The following NXPH1 variants were observed in gnomAD, a reference collection of about 807,000 sequenced individuals.
NXPH1 encodes neurexophilin-1.
NXPH1 carries 5 observed loss-of-function variants against 23.7 expected under a neutral mutation model. That is an observed-to-expected ratio of 0.21 (90% CI 0.11 to 0.44). NXPH1 has a LOEUF of 0.44. Ranked by LOEUF, NXPH1 falls within the 20% of genes least tolerant of loss-of-function variation. The pLI, the probability that NXPH1 is intolerant of heterozygous loss-of-function variation, is 0.99. For missense variants in NXPH1, 324 were observed against 321.6 expected, an observed-to-expected ratio of 1.01 and a Z score of -0.06; for synonymous variants, 144 against 122.2, an observed-to-expected ratio of 1.18 and a Z score of -1.18.
intron 2 of NXPH1, among the ~76,000 whole-genome samples, chr7:8,509,372 G>C (rs1005977670): frequency 6.6e-6 from 1 of 152,084 alleles, no homozygotes; most frequent in Non-Finnish European, 1.5e-5. Flanking sequence ...TGCTTTGGAA[G>C]AGCACGTTTA....
chr7:8,591,872 T>G (rs1473433299), intron 2 of NXPH1, among the ~76,000 whole-genome samples: 1 of 151,396 alleles, frequency 6.6e-6, no homozygotes, highest in Non-Finnish European at 1.5e-5. Context: ...GATAGTCTCT[T>G]TAGTTGCACT....
chr7:8,690,540 GA>G (rs796967364), intron 2 of NXPH1, among the ~76,000 whole-genome samples: 8 of 152,188 alleles, frequency 5.3e-5, no homozygotes, highest in African/African-American at 1.9e-4. Flanking sequence ...TGAATACAGG[GA>G]ATTAATGATA....
At chr7:8,465,100 G>C (rs1027059181) in intron 2 of NXPH1, among the ~76,000 whole-genome samples, 1 of 152,088 alleles carries the variant, frequency 6.6e-6, no homozygotes, top group African/African-American at 2.4e-5. Flanking sequence ...AGAAACAGTG[G>C]GACTTAGAAA....
chr7:8,640,588 C>T (rs984968258), intron 2 of NXPH1, among the ~76,000 whole-genome samples: 1 of 151,982 alleles, frequency 6.6e-6, no homozygotes, highest in Non-Finnish European at 1.5e-5. Context: ...AAAGTGCTCA[C>T]TCATTATTTT....
intron 2 of NXPH1, among the ~76,000 whole-genome samples, chr7:8,461,909 C>G (rs1816703649): frequency 6.6e-6 from 1 of 151,176 alleles, no homozygotes; most frequent in African/African-American, 2.4e-5. Flanking sequence ...CCATTTAACA[C>G]AAATGGAGTC....
intron 2 of NXPH1, among the ~76,000 whole-genome samples, chr7:8,513,797 C>T (rs1817647839): frequency 6.6e-6 from 1 of 152,074 alleles, no homozygotes; most frequent in Non-Finnish European, 1.5e-5. Flanking sequence ...GCGTCTTGCT[C>T]CATGTATTCG....
chr7:8,521,936 G>A (rs1817778785), intron 2 of NXPH1, among the ~76,000 whole-genome samples: 1 of 152,160 alleles, frequency 6.6e-6, no homozygotes. Flanking sequence ...AGAAGACAAT[G>A]AGATGATGTT....
chr7:8,671,176 C>T (rs551276693), intron 2 of NXPH1, among the ~76,000 whole-genome samples: 1 of 151,980 alleles, frequency 6.6e-6, no homozygotes, highest in Non-Finnish European at 1.5e-5. Flanking sequence ...TTTGTGTGTT[C>T]GTGGTGCTTA....
rs185884994 is a variant in NXPH1, at chr7:8,556,124, A to G, written c.54+120357A>G. 5.5e-3 allele frequency among the ~76,000 whole-genome samples: 831 copies of G among 151,802 alleles called. 4 individuals carry two copies. The highest frequency in any genetic ancestry group is 9.9e-3 in the Non-Finnish European group (673 of 67,726). ...TTGGCAAACAGCAGGCACTTAGCCC[A>G]TGTTATGGCTATTGATCCAAAAATA... On this transcript the variant is annotated intron_variant, in intron 2 of 2. Transcript: ENST00000405863.
At chr7:8,684,895 G>A (rs1324161226) in intron 2 of NXPH1, among the ~76,000 whole-genome samples, 2 of 152,150 alleles carry the variant, frequency 1.3e-5, no homozygotes, top group Non-Finnish European at 2.9e-5. Context: ...TAAATAATGT[G>A]TGGGTTTGAT....
chr7:8,485,154 G>A (rs1399821588), intron 2 of NXPH1, among the ~76,000 whole-genome samples: 1 of 152,090 alleles, frequency 6.6e-6, no homozygotes, highest in South Asian at 2.1e-4. Context: ...GGCTTTTCCT[G>A]TGCTCTCTTT....
chr7:8,693,507 T>C (rs1004502170), intron 2 of NXPH1, among the ~76,000 whole-genome samples: 5 of 152,206 alleles, frequency 3.3e-5, no homozygotes, highest in African/African-American at 4.8e-5. Context: ...TCTAAGTGTC[T>C]TTGGCAAAAG....
chr7:8,742,686 TTGG>T (rs1780387957), intron 2 of NXPH1, among the ~76,000 whole-genome samples: 1 of 152,050 alleles, frequency 6.6e-6, no homozygotes, highest in African/African-American at 2.4e-5. Flanking sequence ...GGTTTTATCT[TTGG>T]TGGGGGTGGG....
At chr7:8,589,446 C>A (rs1584253229) in intron 2 of NXPH1, among the ~76,000 whole-genome samples, 1 of 151,990 alleles carries the variant, frequency 6.6e-6, no homozygotes, top group Non-Finnish European at 1.5e-5. Context: ...GAGAAGATAG[C>A]TGAGAACTAT....
At chr7:8,655,492 T>G (rs1820564657) in intron 2 of NXPH1, among the ~76,000 whole-genome samples, 1 of 76,584 alleles carries the variant, frequency 1.3e-5, no homozygotes, top group Non-Finnish European at 2.8e-5. Flanking sequence ...ATCAGATATG[T>G]CCATCACACG....
chr7:8,670,583 T>A (rs1820853346), intron 2 of NXPH1, among the ~76,000 whole-genome samples: 1 of 152,222 alleles, frequency 6.6e-6, no homozygotes, highest in Non-Finnish European at 1.5e-5. Context: ...TTAATCTCAA[T>A]GAAATTCATC....
At chr7:8,605,256 G>A (rs1321319172) in intron 2 of NXPH1, among the ~76,000 whole-genome samples, 1 of 152,106 alleles carries the variant, frequency 6.6e-6, no homozygotes, top group Non-Finnish European at 1.5e-5. Flanking sequence ...TTGGGGAATG[G>A]CAAAGGCTAA....
chr7:8,636,710 G>C (rs532513813), intron 2 of NXPH1, among the ~76,000 whole-genome samples: 18 of 152,290 alleles, frequency 1.2e-4, no homozygotes, highest in Admixed American at 4.6e-4. Flanking sequence ...GATGACATAC[G>C]TTACACACGT....
chr7:8,453,362 A>G (rs574920145), intron 2 of NXPH1, among the ~76,000 whole-genome samples: 3 of 152,206 alleles, frequency 2.0e-5, no homozygotes, highest in Admixed American at 6.5e-5. Flanking sequence ...CAAACATCAA[A>G]CATGCACAAT....
Sources: allele counts gnomAD v4.1 joint callset (sites outside exome capture counted in the v4.1 genomes callset), GRCh38; gene constraint gnomAD v4.1.1; transcripts MANE v1.5; gene names NCBI Gene and HGNC (gene_info 2026-07-23, HGNC 2026-07-21).